CDC123: variants seen among roughly 807,000 people sequenced by gnomAD.
CDC123 encodes the protein cell division cycle 123, also known as translation initiation factor eIF2 assembly protein.
In CDC123, 37 loss-of-function variants were observed where a neutral mutation model predicts 54.4. The observed-to-expected ratio is 0.68, with a 90% CI of 0.52 to 0.89. The LOEUF is 0.89. Among genes scored for constraint, CDC123 ranks in the 40% least tolerant of loss-of-function variants. CDC123 has a pLI of 0.00. For synonymous variants in CDC123, 144 were observed against 136.8 expected, an observed-to-expected ratio of 1.05 and a Z score of -0.37; for missense variants, 361 against 412.1, an observed-to-expected ratio of 0.88 and a Z score of 1.07.
At chr10:12,207,080 T>C (rs1415043381) in intron 2 of CDC123, among the ~76,000 whole-genome samples, 1 of 152,154 alleles carries the variant, frequency 6.6e-6, no homozygotes, top group Non-Finnish European at 1.5e-5. Context: ...AGACTTTAAT[T>C]TTCCTGTTTC....
chr10:12,199,584 A>G (rs1835411969), intron 2 of CDC123, among the ~76,000 whole-genome samples: 2 of 152,230 alleles, frequency 1.3e-5, no homozygotes, highest in East Asian at 3.8e-4. Context: ...TGAAGGAACT[A>G]TAGAAATACA....
At chr10:12,230,199 GTT>G (rs944358687) in intron 6 of CDC123, among the ~76,000 whole-genome samples, 1 of 145,574 alleles carries the variant, frequency 6.9e-6, no homozygotes, top group Non-Finnish European at 1.5e-5. Context: ...TGTTTTTTGG[GTT>G]TTTTTTTTTG....
At chr10:12,231,846 T>C (rs1835906193) in intron 7 of CDC123, among the ~76,000 whole-genome samples, 1 of 151,890 alleles carries the variant, frequency 6.6e-6, no homozygotes, top group Non-Finnish European at 1.5e-5. Context: ...ATAACTTTTT[T>C]TTCTTTTTTT....
In CDC123 at chr10:12,215,789, C is replaced by T; in HGVS notation, c.287C>T (p.Ser96Phe). Residue 96 changes from serine to phenylalanine, a missense_variant, in exon 5 of 13, where the codon TCC becomes TTC. Coordinates refer to ENST00000281141, the MANE Select transcript of CDC123 (RefSeq NM_006023.3). ...ACTAAAGTCCAGGAAGCTATCAATTCCCTCGGGGGCAGTGTCTTTCCTAAG... is the reference window on the plus strand; with the variant it reads ...ACTAAAGTCCAGGAAGCTATCAATTTCCTCGGGGGCAGTGTCTTTCCTAAG... Reference protein sequence around the residue: ...FATKVQEAINSLGGSVFPKLN... With the variant: ...FATKVQEAINFLGGSVFPKLN... 1 of 1,612,782 alleles carries T rather than the reference C, an allele frequency of 6.2e-7. No homozygotes were observed. Among genetic ancestry groups the T allele is most frequent in the Non-Finnish European group, 8.5e-7 (1 of 1,179,570 alleles).
At position 12,196,324 on chromosome 10, in the gene CDC123, G is replaced by C; in HGVS notation, c.74+5G>C. The C allele has an allele frequency of 6.2e-7, 1 of 1,610,926 alleles. No individual in the cohort carries two copies. Among genetic ancestry groups the C allele is most frequent in the Non-Finnish European group, 8.5e-7 (1 of 1,178,282 alleles). On this transcript the variant is annotated splice_donor_5th_base_variant and intron_variant, in intron 1 of 12. Coordinates refer to ENST00000281141, the MANE Select transcript of CDC123 (RefSeq NM_006023.3). ...CCGAGGCGTTACCATCAAGAGGTGAGATGGGAGGGGGTTCGCCCGGTCGAC... is the reference window on the plus strand; with the variant it reads ...CCGAGGCGTTACCATCAAGAGGTGACATGGGAGGGGGTTCGCCCGGTCGAC...
intron 6 of CDC123, among the ~76,000 whole-genome samples, chr10:12,222,511 G>C (rs1411772481): frequency 2.6e-5 from 4 of 152,182 alleles, no homozygotes; most frequent in Non-Finnish European, 5.9e-5. Flanking sequence ...TTTGCTGACT[G>C]TGTTATTTGC....
At chr10:12,220,529 C>T (rs544977505) in intron 6 of CDC123, among the ~76,000 whole-genome samples, 3 of 152,324 alleles carry the variant, frequency 2.0e-5, no homozygotes, top group Non-Finnish European at 4.4e-5. Context: ...TTTAGCTGGG[C>T]GCTACTAACG....
chr10:12,234,797 A>G (rs867977299), intron 7 of CDC123, among the ~76,000 whole-genome samples: 19 of 134,904 alleles, frequency 1.4e-4, no homozygotes, highest in African/African-American at 5.4e-4. Flanking sequence ...CTTGTTTCCC[A>G]GGCTGAAGTG....
At chr10:12,200,434 T>A (rs1835425927) in intron 2 of CDC123, among the ~76,000 whole-genome samples, 1 of 152,088 alleles carries the variant, frequency 6.6e-6, no homozygotes, top group Admixed American at 6.6e-5. Flanking sequence ...TCAGTTTTAT[T>A]CTCAAATACG....
intron 10 of CDC123, among the ~76,000 whole-genome samples, chr10:12,240,325 T>A (rs766864691): frequency 1.3e-4 from 20 of 152,172 alleles, no homozygotes; most frequent in Non-Finnish European, 2.6e-4. Flanking sequence ...CGTTTTCCCG[T>A]GTCACCTACA....
intron 5 of CDC123, among the ~76,000 whole-genome samples, chr10:12,216,695 A>G (rs1041283047): frequency 1.3e-5 from 2 of 152,178 alleles, no homozygotes; most frequent in Non-Finnish European, 2.9e-5. Context: ...AGTTTTCTCA[A>G]AATTCTGTTA....
At chr10:12,204,968 G>A (rs1449537919) in intron 2 of CDC123, among the ~76,000 whole-genome samples, 1 of 136,146 alleles carries the variant, frequency 7.3e-6, no homozygotes, top group Non-Finnish European at 1.5e-5. Context: ...ACTCCAGCCT[G>A]GATGACAGAG....
intron 1 of CDC123, among the ~76,000 whole-genome samples, chr10:12,196,953 A>C (rs1277894597): frequency 1.3e-5 from 2 of 152,212 alleles, no homozygotes; most frequent in Admixed American, 1.3e-4. Context: ...GCGTTGATAG[A>C]AAATCTGGGC....
intron 10 of CDC123, among the ~76,000 whole-genome samples, chr10:12,240,461 C>T (rs1161424590): frequency 2.0e-5 from 3 of 152,180 alleles, no homozygotes; most frequent in Admixed American, 6.6e-5. Context: ...AGATATGGCC[C>T]ATATGATCAT....
intron 4 of CDC123, among the ~76,000 whole-genome samples, chr10:12,214,173 C>T (rs117505395): frequency 0.028 from 4,250 of 152,192 alleles, 93 homozygotes; most frequent in Non-Finnish European, 0.037. Context: ...GAAAAGTAAT[C>T]CTTAGATGTC....
rs1312610274 is a variant in CDC123, at chr10:12,196,292, C to T, written c.47C>T (p.Pro16Leu). 5.6e-6 allele frequency: 9 copies of T among 1,613,782 alleles called. No homozygotes were observed. In the South Asian group the frequency reaches 8.8e-5, roughly 16 times the overall value. Residue 16 changes from proline (P) to leucine (L), a missense_variant, in exon 1 of 13, where the codon CCG becomes CTG. Transcript: ENST00000281141. Reference sequence around the variant, plus strand: ...CACTGCCAGTTCTCCGCGTGGTACCCGTTCTTCCGAGGCGTTACCATCAAG... The same window carrying T: ...CACTGCCAGTTCTCCGCGTGGTACCTGTTCTTCCGAGGCGTTACCATCAAG... ...VLHCQFSAWY[P>L]FFRGVTIKSV...
chr10:12,232,981 G>A (rs1180704959), intron 7 of CDC123, among the ~76,000 whole-genome samples: 4 of 151,610 alleles, frequency 2.6e-5, no homozygotes, highest in East Asian at 1.9e-4. Flanking sequence ...GGATGGTCTC[G>A]TTCTCCTGAC....
At chr10:12,235,345 T>A (rs1835965095) in intron 8 of CDC123, among the ~76,000 whole-genome samples, 1 of 152,112 alleles carries the variant, frequency 6.6e-6, no homozygotes, top group Non-Finnish European at 1.5e-5. Flanking sequence ...TGTCAGATAA[T>A]CATGGCTGTC....
intron 6 of CDC123, among the ~76,000 whole-genome samples, chr10:12,217,829 G>A (rs1488158984): frequency 6.6e-6 from 1 of 151,954 alleles, no homozygotes; most frequent in Non-Finnish European, 1.5e-5. Context: ...GCTCACGCCT[G>A]GGATTCCCAG....
Sources: gnomAD v4.1 joint callset for allele counts (sites outside exome capture counted in the v4.1 genomes callset) on GRCh38, gnomAD v4.1.1 for gene constraint, MANE v1.5 for transcripts, NCBI Gene and HGNC (gene_info 2026-07-23, HGNC 2026-07-21) for gene names.